Variants in GALNT10 observed in about 807,000 individuals in gnomAD.
GALNT10 encodes the protein GalNAc transferase 10.
GALNT10 carries 41 observed loss-of-function variants against 75.0 expected under a neutral mutation model. That is an observed-to-expected ratio of 0.55 (90% CI 0.43 to 0.71). The LOEUF (loss-of-function observed/expected upper bound fraction) is 0.71. GALNT10 is among the 30% of genes least tolerant of loss of function. The probability of loss-of-function intolerance (pLI) is 0.00; values close to 1 mark genes in which losing one functional copy is unlikely to be tolerated. For missense variants in GALNT10, 727 were observed against 818.5 expected (o/e 0.89, Z 1.36); for synonymous variants, 302 against 313.0 (o/e 0.96, Z 0.37).
intron 1 of GALNT10, among the ~76,000 whole-genome samples, chr5:154,221,804 T>A (rs1752983401): frequency 6.6e-6 from 1 of 152,250 alleles, no homozygotes; most frequent in Non-Finnish European, 1.5e-5. Context: ...CCTAGCTTCC[T>A]GCTTCTTGGC....
intron 7 of GALNT10, chr5:154,387,245 C>T (rs1321127761): frequency 1.3e-5 from 2 of 152,172 alleles, no homozygotes; most frequent in African/African-American, 4.8e-5. Context: ...ATTAAGCACC[C>T]AAACTTCCAA....
chr5:154,411,108 G>A (rs1756389710), intron 9 of GALNT10, among the ~76,000 whole-genome samples: 2 of 152,142 alleles, frequency 1.3e-5, no homozygotes, highest in Non-Finnish European at 1.5e-5. Flanking sequence ...GAAAAGGGGA[G>A]CATAAGAGTT....
At chr5:154,385,193 A>C (rs1247565690) in intron 6 of GALNT10, among the ~76,000 whole-genome samples, 1 of 152,206 alleles carries the variant, frequency 6.6e-6, no homozygotes, top group Non-Finnish European at 1.5e-5. Context: ...CAGTGCATCC[A>C]GACAAGGATG....
At chr5:154,342,822 T>C (rs1755054634) in intron 4 of GALNT10, among the ~76,000 whole-genome samples, 1 of 152,206 alleles carries the variant, frequency 6.6e-6, no homozygotes, top group Non-Finnish European at 1.5e-5. Context: ...ATCCTGATGA[T>C]CTCACTTAAA....
chr5:154,361,393 C>G (rs1755384010), intron 4 of GALNT10, among the ~76,000 whole-genome samples: 1 of 152,182 alleles, frequency 6.6e-6, no homozygotes, highest in Non-Finnish European at 1.5e-5. Context: ...ACAGTCCCAC[C>G]TTGTAAAATC....
chr5:154,333,711 T>C (rs1754900605), intron 4 of GALNT10, among the ~76,000 whole-genome samples: 1 of 152,040 alleles, frequency 6.6e-6, no homozygotes, highest in Non-Finnish European at 1.5e-5. Flanking sequence ...AGAAGAAAAA[T>C]AATACTGTCC....
intron 1 of GALNT10, among the ~76,000 whole-genome samples, chr5:154,234,732 G>T (rs1202011512): frequency 1.3e-5 from 2 of 152,226 alleles, no homozygotes; most frequent in African/African-American, 2.4e-5. Context: ...GCATATACGG[G>T]ATTGGTCCTG....
intron 1 of GALNT10, among the ~76,000 whole-genome samples, chr5:154,222,259 G>A (rs1415972207): frequency 6.7e-6 from 1 of 148,178 alleles, no homozygotes; most frequent in Admixed American, 6.8e-5. Flanking sequence ...TACTCAGCAT[G>A]ATGCTTTTTG....
At chr5:154,260,747 C>T (rs891165992) in intron 1 of GALNT10, among the ~76,000 whole-genome samples, 1 of 152,116 alleles carries the variant, frequency 6.6e-6, no homozygotes, top group Non-Finnish European at 1.5e-5. Context: ...GTTGACTGCT[C>T]GTGATGGTTC....
chr5:154,372,304 C>T (rs904422385), intron 4 of GALNT10, among the ~76,000 whole-genome samples: 10 of 152,236 alleles, frequency 6.6e-5, no homozygotes, highest in African/African-American at 2.4e-4. Context: ...GGCTGTGGTT[C>T]GAGTGAGTAC....
intron 4 of GALNT10, chr5:154,337,519 C>T (rs1754963305): frequency 1.4e-6 from 1 of 739,536 alleles, no homozygotes; most frequent in Non-Finnish European, 2.5e-6. Context: ...CTGCCATAGG[C>T]ACCTTGGTTT....
At chr5:154,290,088 G>A (rs1754171558) in intron 1 of GALNT10, among the ~76,000 whole-genome samples, 2 of 141,022 alleles carry the variant, frequency 1.4e-5, no homozygotes, top group South Asian at 2.2e-4. Flanking sequence ...CATGTACTCT[G>A]TAATTTTTTT....
At chr5:154,264,209 A>G (rs1385611508) in intron 1 of GALNT10, among the ~76,000 whole-genome samples, 1 of 150,872 alleles carries the variant, frequency 6.6e-6, no homozygotes, top group African/African-American at 2.4e-5. Context: ...GCTACTTGGA[A>G]GGTGGAGGCA....
At chr5:154,286,439 G>A (rs759125440) in intron 1 of GALNT10, among the ~76,000 whole-genome samples, 23 of 150,452 alleles carry the variant, frequency 1.5e-4, no homozygotes, top group Non-Finnish European at 3.0e-4. Context: ...CCTGAAGAAA[G>A]TGTTGAAATT....
intron 1 of GALNT10, among the ~76,000 whole-genome samples, chr5:154,285,401 G>A (rs1372516944): frequency 1.3e-5 from 2 of 152,098 alleles, no homozygotes; most frequent in African/African-American, 4.8e-5. Flanking sequence ...GGACAGTATT[G>A]AAACTTAAAA....
intron 1 of GALNT10, among the ~76,000 whole-genome samples, chr5:154,275,441 C>T (rs1019473542): frequency 2.0e-5 from 3 of 152,110 alleles, no homozygotes; most frequent in Non-Finnish European, 2.9e-5. Flanking sequence ...CTGTCAGGCT[C>T]GTGTGGTGAA....
chr5:154,269,243 C>G (rs1043330789), intron 1 of GALNT10, among the ~76,000 whole-genome samples: 1 of 152,088 alleles, frequency 6.6e-6, no homozygotes, highest in Non-Finnish European at 1.5e-5. Context: ...CTCAGCCTCC[C>G]AAAGTGCACA....
At chr5:154,211,817 T>C (rs1775203201) in intron 1 of GALNT10, among the ~76,000 whole-genome samples, 1 of 152,100 alleles carries the variant, frequency 6.6e-6, no homozygotes, top group African/African-American at 2.4e-5. Context: ...TAAGCTTGAG[T>C]GTCCCTGAAG....
chr5:154,302,002 G>A (rs1033021619), intron 3 of GALNT10, among the ~76,000 whole-genome samples: 5 of 152,238 alleles, frequency 3.3e-5, no homozygotes, highest in African/African-American at 9.6e-5. Flanking sequence ...GTCACCAAGT[G>A]TGGAAGCTGA....
Sources: allele counts gnomAD v4.1 joint callset (sites outside exome capture counted in the v4.1 genomes callset), GRCh38; gene constraint gnomAD v4.1.1; transcripts MANE v1.5; gene names NCBI Gene and HGNC (gene_info 2026-07-23, HGNC 2026-07-21).